Variants in JAKMIP2 observed in about 807,000 individuals in gnomAD.
JAKMIP2 encodes janus kinase and microtubule interacting protein 2, also known as janus kinase and microtubule-interacting protein 2.
Under a neutral mutation model 115.0 loss-of-function variants are expected in JAKMIP2, and 25 were observed. That is an observed-to-expected ratio of 0.22 (90% CI 0.16 to 0.30). The LOEUF is 0.30. Among genes scored for constraint, JAKMIP2 ranks in the 10% least tolerant of loss-of-function variants. The pLI is 1.00. For synonymous variants in JAKMIP2, 334 were observed against 343.6 expected (o/e 0.97, Z 0.31); for missense variants, 642 against 957.6 (o/e 0.67, Z 4.35).
intron 1 of JAKMIP2, among the ~76,000 whole-genome samples, chr5:147,729,325 C>T (rs190599858): frequency 1.3e-5 from 2 of 152,200 alleles, no homozygotes; most frequent in East Asian, 1.9e-4. Flanking sequence ...AGAGGATGCT[C>T]GAGACAGCCC....
intron 3 of JAKMIP2, among the ~76,000 whole-genome samples, chr5:147,652,948 A>G (rs1758480858): frequency 6.6e-6 from 1 of 152,138 alleles, no homozygotes; most frequent in African/African-American, 2.4e-5. Flanking sequence ...ATGAGCGGGA[A>G]CATGCAGTGT....
Position 147,661,367 on chromosome 5 carries a change from C to G in JAKMIP2, c.208G>C (p.Val70Leu). The G allele has an allele frequency of 6.2e-7, 1 of 1,614,030 alleles. No individual in the cohort carries two copies. The highest frequency in any genetic ancestry group is 8.5e-7 in the Non-Finnish European group (1 of 1,180,012). ...ELEQRKHTVL[V>L]TELKAKLHEE... ...TGGAGCTTGGCTTTGAGTTCTGTCA[C>G]CAGCACCGTGTGCTTGCGCTGCTCC... is the stretch of plus-strand genomic sequence containing the variant. Residue 70 changes from valine (V) to leucine (L), a missense_variant, in exon 3 of 22, where the codon GTG becomes CTG. By Grantham distance (32) the Val-to-Leu change is conservative. Coordinates refer to ENST00000616793, the MANE Select transcript of JAKMIP2 (RefSeq NM_001270941.2).
intron 17 of JAKMIP2, among the ~76,000 whole-genome samples, chr5:147,621,176 A>C (rs1204660684): frequency 6.6e-6 from 1 of 152,214 alleles, no homozygotes; most frequent in Non-Finnish European, 1.5e-5. Flanking sequence ...CATAAGGACA[A>C]AAATAGCAAC....
intron 1 of JAKMIP2, among the ~76,000 whole-genome samples, chr5:147,764,959 AGAGAGAGG>A (rs1755087418): frequency 2.5e-5 from 2 of 80,538 alleles, no homozygotes; most frequent in African/African-American, 6.3e-5. Context: ...AGAGAGAGAG[AGAGAGAGG>A]GGGAGAGAGA....
intron 1 of JAKMIP2, among the ~76,000 whole-genome samples, chr5:147,730,341 G>GATTGCAAACCTGCTTGTAAAAT (rs1349874318): frequency 6.6e-6 from 1 of 152,142 alleles, no homozygotes; most frequent in Non-Finnish European, 1.5e-5. Context: ...AAGCTGCTAA[G>GATTGCAAACCTGCTTGTAAAAT]TCAGTTTGGC....
chr5:147,719,503 C>A (rs1184785477), intron 1 of JAKMIP2, among the ~76,000 whole-genome samples: 3 of 151,290 alleles, frequency 2.0e-5, no homozygotes, highest in African/African-American at 4.9e-5. Flanking sequence ...GTAGGTCACT[C>A]AGGACTTGCT....
At chr5:147,705,468 T>G (rs544478392) in intron 1 of JAKMIP2, among the ~76,000 whole-genome samples, 5 of 152,116 alleles carry the variant, frequency 3.3e-5, no homozygotes, top group African/African-American at 1.2e-4. Context: ...CCGAGAATCA[T>G]TTGAGCCATG....
chr5:147,770,280 T>C (rs988107638), intron 1 of JAKMIP2, among the ~76,000 whole-genome samples: 5 of 152,142 alleles, frequency 3.3e-5, no homozygotes, highest in African/African-American at 1.2e-4. Context: ...ATCTGTATAT[T>C]TGACTATCTA....
Position 147,631,553 on chromosome 5 carries a change from CTGAT to C in JAKMIP2, c.1777-46_1777-43del, listed in dbSNP as rs773071543. 7 of 1,285,348 alleles carry C rather than the reference CTGAT, an allele frequency of 5.4e-6. No individual in the cohort carries two copies. In the East Asian group the frequency reaches 1.6e-4, roughly 30 times the overall value. The allele number at this position is 1,285,348 out of a possible 1,614,324, so 79.6% of individuals were successfully genotyped here. ...GAATATATGGAAATTAAAAACAAAACTGATTAATTAAACACTAAACCAGTGGTCT... is the reference window on the plus strand; with the variant it reads ...GAATATATGGAAATTAAAAACAAAACTAATTAAACACTAAACCAGTGGTCT... On this transcript the variant is annotated intron_variant, in intron 13 of 21. Transcript: ENST00000616793.
intron 2 of JAKMIP2, among the ~76,000 whole-genome samples, chr5:147,665,732 C>T (rs1044531182): frequency 2.6e-5 from 4 of 152,112 alleles, no homozygotes; most frequent in South Asian, 2.1e-4. Flanking sequence ...AGATTGTGTA[C>T]GGAAAAGTAC....
rs1757738071 is a variant in JAKMIP2, at chr5:147,638,694, G to A, written c.1530+938C>T. Among the ~76,000 whole-genome samples the A allele has an allele frequency of 2.6e-5, 4 of 151,848 alleles. No homozygotes were observed. The South Asian group carries it at 8.4e-4, about 32-fold the overall frequency. ...AGAAAGTAGGATGAAATCACTGGGT[G>A]GTCTCGGTGGTCATGCTGCCTTTTG... On this transcript the variant is annotated intron_variant, in intron 10 of 21. Coordinates refer to ENST00000616793, the MANE Select transcript of JAKMIP2 (RefSeq NM_001270941.2).
At position 147,741,393 on chromosome 5, in the gene JAKMIP2, T is replaced by C. The variant is rs73797167; in HGVS notation, c.-149+41063A>G. Among the ~76,000 whole-genome samples the C allele has an allele frequency of 9.7e-3, 1,484 of 152,278 alleles. 25 individuals are homozygous for C. The highest frequency in any genetic ancestry group is 0.034 in the African/African-American group (1,432 of 41,560). On this transcript the variant is annotated intron_variant, in intron 1 of 21. Coordinates refer to ENST00000616793, the MANE Select transcript of JAKMIP2 (RefSeq NM_001270941.2). ...AGTACAATCGTGTGGTATTTATTTATATGTCTATTCCTTTGAGTTGCATTA... is the reference window on the plus strand; with the variant it reads ...AGTACAATCGTGTGGTATTTATTTACATGTCTATTCCTTTGAGTTGCATTA...
At chr5:147,600,758 AG>A (rs1239963786) in intron 21 of JAKMIP2, among the ~76,000 whole-genome samples, 18 of 152,200 alleles carry the variant, frequency 1.2e-4, no homozygotes, top group Non-Finnish European at 1.6e-4. Context: ...AGCAAGTCTG[AG>A]GTGGGGCTTA....
chr5:147,748,161 G>A (rs1177003959), intron 1 of JAKMIP2, among the ~76,000 whole-genome samples: 2 of 152,130 alleles, frequency 1.3e-5, no homozygotes, highest in Admixed American at 1.3e-4. Context: ...TCTACTTCTT[G>A]TTGGCTGTAT....
At chr5:147,769,172 A>G (rs540651371) in intron 1 of JAKMIP2, among the ~76,000 whole-genome samples, 4 of 152,194 alleles carry the variant, frequency 2.6e-5, no homozygotes, top group African/African-American at 9.6e-5. Flanking sequence ...CCTTTGTACA[A>G]CTCAGGGAGG....
At position 147,609,268 on chromosome 5, in the gene JAKMIP2, C is replaced by T. The variant is rs539960108; in HGVS notation, c.2412+3038G>A. On this transcript the variant is annotated intron_variant, in intron 20 of 21. Transcript: ENST00000616793. Reference sequence around the variant, plus strand: ...ATTAGTTGATGCAGTTTCTTCATAGCGTTGACGGTCTTTGCATTTTGGGTT... The same window carrying T: ...ATTAGTTGATGCAGTTTCTTCATAGTGTTGACGGTCTTTGCATTTTGGGTT... Among the ~76,000 whole-genome samples, 5 of 152,246 alleles carry T rather than the reference C, an allele frequency of 3.3e-5. No homozygotes were observed. The South Asian group carries it at 6.2e-4, about 19-fold the overall frequency.
chr5:147,782,317 A>C, intron 1 of JAKMIP2, 139 bp downstream of exon 1: 1 of 838,774 alleles, frequency 1.2e-6, no homozygotes, highest in Non-Finnish European at 1.9e-6. Context: ...CTCTCCCTCC[A>C]TCCTCATCTC....
intron 12 of JAKMIP2, among the ~76,000 whole-genome samples, chr5:147,634,068 TAGGTG>T (rs1179727429): frequency 6.6e-6 from 1 of 152,196 alleles, no homozygotes; most frequent in Admixed American, 6.5e-5. Context: ...ATTAGCTGTA[TAGGTG>T]GGCATTACAT....
At chr5:147,688,707 A>G (rs1760690953) in intron 1 of JAKMIP2, among the ~76,000 whole-genome samples, 1 of 152,194 alleles carries the variant, frequency 6.6e-6, no homozygotes, top group Admixed American at 6.5e-5. Context: ...CCCACCCTTA[A>G]AGGATGGTGG....
Sources: gnomAD v4.1 joint callset for allele counts (sites outside exome capture counted in the v4.1 genomes callset) on GRCh38, gnomAD v4.1.1 for gene constraint, MANE v1.5 for transcripts, NCBI Gene and HGNC (gene_info 2026-07-23, HGNC 2026-07-21) for gene names.